The following NNMT variants were observed in gnomAD, a reference collection of about 807,000 sequenced individuals.
NNMT encodes nicotinamide N-methyltransferase.
Under a neutral mutation model 11.7 loss-of-function variants are expected in NNMT, and 10 were observed. The ratio of observed to expected loss-of-function variants is 0.85; its 90% confidence interval spans 0.53 to 1.45. The LOEUF (loss-of-function observed/expected upper bound fraction) is 1.45, where lower values mean the gene tolerates loss of function less well. Among genes scored for constraint, NNMT ranks in the 40% most tolerant of loss-of-function variants. NNMT has a pLI of 0.00. For missense variants in NNMT, 381 were observed against 319.4 expected, an observed-to-expected ratio of 1.19 and a Z score of -1.47; for synonymous variants, 143 against 133.8, an observed-to-expected ratio of 1.07 and a Z score of -0.48.
In NNMT at chr11:114,312,297, G is replaced by A; in HGVS notation, c.615G>A (p.Met205Ile). The change falls in exon 3 of 3, where the codon ATG (methionine) becomes ATA (isoleucine). Residue 205 changes from methionine to isoleucine, a missense_variant. Transcript: ENST00000299964. ...IMDALKSSYY[M>I]IGEQKFSSLP... ...ATGCGCTCAAGAGCAGCTACTACAT[G>A]ATTGGTGAGCAGAAGTTCTCCAGCC... 1 of 1,614,242 alleles carries A rather than the reference G, an allele frequency of 6.2e-7. No homozygotes were observed. The highest frequency in any genetic ancestry group is 8.5e-7 in the Non-Finnish European group (1 of 1,180,036).
At position 114,312,157 on chromosome 11, in the gene NNMT, T is replaced by G. The variant is rs762347098; in HGVS notation, c.475T>G (p.Cys159Gly). 5.6e-6 allele frequency: 9 copies of G among 1,614,190 alleles called. No individual in the cohort carries two copies. The South Asian group carries it at 8.8e-5, about 16-fold the overall frequency. The change falls in exon 3 of 3, where the codon TGC (cysteine) becomes GGC (glycine). Residue 159 changes from cysteine (C) to glycine (G), a missense_variant. Coordinates refer to ENST00000299964, the MANE Select transcript of NNMT (RefSeq NM_006169.3). ...LGAVPLPPAD[C>G]VLSTLCLDAA... ...GGCCGTCCCCTTACCCCCGGCTGAC[T>G]GCGTGCTCAGCACACTGTGTCTGGA...
Position 114,312,190 on chromosome 11 carries a change from T to C in NNMT, c.508T>C (p.Cys170Arg). 2 of 1,614,186 alleles carry C rather than the reference T, an allele frequency of 1.2e-6. No individual in the cohort carries two copies. Among genetic ancestry groups the C allele is most frequent in the Non-Finnish European group, 1.7e-6 (2 of 1,180,010 alleles). ...CAGCACACTGTGTCTGGATGCCGCC[T>C]GCCCAGACCTCCCCACCTACTGCAG... Reference protein sequence around the residue: ...VLSTLCLDAACPDLPTYCRAL... With the variant: ...VLSTLCLDAARPDLPTYCRAL... Residue 170 changes from cysteine to arginine, a missense_variant, in exon 3 of 3, where the codon TGC becomes CGC. Transcript: ENST00000299964.
intron 2 of NNMT, among the ~76,000 whole-genome samples, chr11:114,277,172 G>A (rs1945220005): frequency 1.4e-5 from 2 of 139,328 alleles, no homozygotes; most frequent in African/African-American, 2.6e-5. Flanking sequence ...GCAGTGAGCC[G>A]AGATCTTGCC....
intron 1 of NNMT, chr11:114,297,374 C>T (rs1488498675): frequency 6.6e-6 from 1 of 150,690 alleles, no homozygotes; most frequent in African/African-American, 2.4e-5. Context: ...GTTTTTCAAA[C>T]TGATGTGCTT....
In NNMT at chr11:114,296,721, T is replaced by C. The variant is rs1565726073; in HGVS notation, c.154+11T>C. 1.9e-6 allele frequency: 3 copies of C among 1,613,780 alleles called. No homozygotes were observed. The highest frequency in any genetic ancestry group is 1.7e-6 in the Non-Finnish European group (2 of 1,179,736). On this transcript the variant is annotated intron_variant, in intron 1 of 2. Coordinates refer to ENST00000299964, the MANE Select transcript of NNMT (RefSeq NM_006169.3). ...AGATATTCTGCCTAGGTAAGTCTGTTGTCTGCATGTCTCCCCACTAATGTG... is the reference window on the plus strand; with the variant it reads ...AGATATTCTGCCTAGGTAAGTCTGTCGTCTGCATGTCTCCCCACTAATGTG...
At chr11:114,259,984 A>G (rs1456241577) in intron 1 of NNMT, among the ~76,000 whole-genome samples, 1 of 152,108 alleles carries the variant, frequency 6.6e-6, no homozygotes, top group Non-Finnish European at 1.5e-5. Context: ...GCCAGACAAC[A>G]TGAGAAATCA....
intron 2 of NNMT, among the ~76,000 whole-genome samples, chr11:114,282,998 G>A (rs1439723342): frequency 6.6e-6 from 1 of 152,202 alleles, no homozygotes; most frequent in Non-Finnish European, 1.5e-5. Flanking sequence ...AATTAGTATA[G>A]CAGATCATTC....
chr11:114,307,964 C>G (rs1417162211), intron 2 of NNMT, among the ~76,000 whole-genome samples: 1 of 151,986 alleles, frequency 6.6e-6, no homozygotes, highest in Non-Finnish European at 1.5e-5. Context: ...ATTTCCACTC[C>G]TATGAGTGAT....
At chr11:114,276,107 G>GCCCCCCCCCCCCC (rs35929563) in intron 2 of NNMT, among the ~76,000 whole-genome samples, 1 of 142,278 alleles carries the variant, frequency 7.0e-6, no homozygotes, top group Non-Finnish European at 1.5e-5. Flanking sequence ...GTTTCAGGCT[G>GCCCCCCCCCCCCC]CCCCCCCACC....
At chr11:114,286,559 T>A (rs1308126941) in intron 2 of NNMT, among the ~76,000 whole-genome samples, 9 of 152,224 alleles carry the variant, frequency 5.9e-5, no homozygotes. Flanking sequence ...CTTTATAGAT[T>A]GAATAAAAAG....
Position 114,312,863 on chromosome 11 carries a change from T to G in NNMT, c.*386T>G. ...GGCTCCTTCTCTCCCAGGAATGGGC[T>G]TCTCCTATTCTTTAACTCTTGCCTT... On this transcript the variant is annotated 3_prime_UTR_variant, in exon 3 of 3. Coordinates refer to ENST00000299964, the MANE Select transcript of NNMT (RefSeq NM_006169.3). 5.5e-6 allele frequency: 1 copy of G among 182,980 alleles called. No individual in the cohort carries two copies. Among genetic ancestry groups the G allele is most frequent in the Non-Finnish European group, 1.2e-5 (1 of 86,000 alleles). The allele number at this position is 182,980 out of a possible 1,614,324, so 11.3% of individuals were successfully genotyped here.
chr11:114,289,188 A>G (rs1945318653), intron 2 of NNMT, among the ~76,000 whole-genome samples: 1 of 152,146 alleles, frequency 6.6e-6, no homozygotes, highest in Non-Finnish European at 1.5e-5. Context: ...GTTATTTGTA[A>G]TATCTTGTTA....
chr11:114,297,169 G>A (rs756504627), intron 1 of NNMT, among the ~76,000 whole-genome samples: 3 of 152,146 alleles, frequency 2.0e-5, no homozygotes, highest in Admixed American at 6.6e-5. Flanking sequence ...TGAAAGTATT[G>A]CTTAATAGTT....
At chr11:114,266,698 C>T (rs1351352731) in intron 2 of NNMT, among the ~76,000 whole-genome samples, 1 of 152,216 alleles carries the variant, frequency 6.6e-6, no homozygotes, top group Admixed American at 6.5e-5. Context: ...TTCCTCTGCC[C>T]TCTTGAATGG....
At chr11:114,272,672 G>T (rs538364222) in intron 2 of NNMT, among the ~76,000 whole-genome samples, 88 of 152,306 alleles carry the variant, frequency 5.8e-4, no homozygotes, top group Non-Finnish European at 9.7e-4. Context: ...TCCACCTGCA[G>T]GGTGGCCTTG....
At position 114,313,020 on chromosome 11, in the gene NNMT, C is replaced by A. The variant is rs1042094329; in HGVS notation, c.*543C>A. ...TGTCCAGCATTTCTGTTCATCCCAG[C>A]AATCCAAAAAAAAATTTTTTTAAGC... On this transcript the variant is annotated 3_prime_UTR_variant, in exon 3 of 3. Transcript: ENST00000299964. The A allele has an allele frequency of 2.0e-5, 3 of 152,410 alleles. No homozygotes were observed. The highest frequency in any genetic ancestry group is 4.8e-5 in the African/African-American group (2 of 41,430). The allele number at this position is 152,410 out of a possible 1,614,324, so 9.4% of individuals were successfully genotyped here. A position where few individuals can be genotyped will look rare whatever the true frequency, so the allele number is the denominator to read the frequency against.
chr11:114,260,489 G>A (rs1945069651), intron 1 of NNMT, among the ~76,000 whole-genome samples: 1 of 152,152 alleles, frequency 6.6e-6, no homozygotes, highest in Non-Finnish European at 1.5e-5. Context: ...TCAGACCTTC[G>A]ATGCCAATCC....
At chr11:114,277,134 A>T (rs1237679389) in intron 2 of NNMT, among the ~76,000 whole-genome samples, 3 of 152,108 alleles carry the variant, frequency 2.0e-5, no homozygotes, top group Admixed American at 6.6e-5. Context: ...GAAGCAGGAG[A>T]ATCTCTTGAA....
intron 2 of NNMT, among the ~76,000 whole-genome samples, chr11:114,282,923 T>A (rs910616708): frequency 6.6e-6 from 1 of 152,234 alleles, no homozygotes; most frequent in Non-Finnish European, 1.5e-5. Flanking sequence ...GATATGCATG[T>A]TTAGAAGTGC....
Sources: allele counts gnomAD v4.1 joint callset (sites outside exome capture counted in the v4.1 genomes callset), GRCh38; gene constraint gnomAD v4.1.1; transcripts MANE v1.5; gene names NCBI Gene and HGNC (gene_info 2026-07-23, HGNC 2026-07-21).